NRXN3: variants seen among roughly 807,000 people sequenced by gnomAD.
NRXN3 encodes neurexin III.
NRXN3 carries 32 observed loss-of-function variants against 137.6 expected under a neutral mutation model. The ratio of observed to expected loss-of-function variants is 0.23; its 90% CI spans 0.18 to 0.31. The LOEUF is 0.31. NRXN3 is among the 10% of genes least tolerant of loss of function. NRXN3 has a pLI of 1.00. For synonymous variants in NRXN3, 798 were observed against 784.5 expected (o/e 1.02, Z -0.29); for missense variants, 1,574 against 2,062.5 (o/e 0.76, Z 4.59).
chr14:78,633,490 A>G (rs1601658143), intron 4 of NRXN3, among the ~76,000 whole-genome samples: 1 of 152,020 alleles, frequency 6.6e-6, no homozygotes, highest in East Asian at 1.9e-4. Flanking sequence ...TCTTTCACCT[A>G]TCCATTCAGA....
At chr14:79,622,555 G>A (rs2098235649) in intron 16 of NRXN3, among the ~76,000 whole-genome samples, 1 of 152,076 alleles carries the variant, frequency 6.6e-6, no homozygotes. Flanking sequence ...TGAGGGCCCA[G>A]ATACTACTTG....
At chr14:79,490,060 A>AAAG (rs35537325) in intron 16 of NRXN3, among the ~76,000 whole-genome samples, 1 of 150,958 alleles carries the variant, frequency 6.6e-6, no homozygotes, top group Non-Finnish European at 1.5e-5. Flanking sequence ...AAAAAAAAAA[A>AAAG]TCTGGTAATT....
At chr14:79,702,889 G>GTCTTTTACCACTAAAGTGTAT (rs138402143) in intron 19 of NRXN3, among the ~76,000 whole-genome samples, 76,018 of 150,560 alleles carry the variant, frequency 0.5, 19,744 homozygotes, top group East Asian at 0.79. Flanking sequence ...TGAGAAACAA[G>GTCTTTTACCACTAAAGTGTAT]TCTTTTACCT....
chr14:79,821,771 T>C (rs2099273471), intron 20 of NRXN3, among the ~76,000 whole-genome samples: 1 of 151,820 alleles, frequency 6.6e-6, no homozygotes, highest in African/African-American at 2.4e-5. Context: ...TTGTAATGCT[T>C]TTGGTTTAGG....
chr14:79,509,210 A>G (rs773366255), intron 16 of NRXN3, among the ~76,000 whole-genome samples: 7 of 152,210 alleles, frequency 4.6e-5, no homozygotes, highest in Non-Finnish European at 8.8e-5. Context: ...AATAATAATA[A>G]TAATAATGCT....
chr14:79,793,706 CTATT>C (rs1184068043), intron 19 of NRXN3, among the ~76,000 whole-genome samples: 1 of 152,096 alleles, frequency 6.6e-6, no homozygotes, highest in African/African-American at 2.4e-5. Flanking sequence ...CTTCAATAGT[CTATT>C]TGTTATGTTT....
chr14:78,183,173 C>T (rs899306376), intron 1 of NRXN3, among the ~76,000 whole-genome samples: 1 of 152,174 alleles, frequency 6.6e-6, no homozygotes, highest in Non-Finnish European at 1.5e-5. Context: ...TTTCTTCCTT[C>T]TGGCAAGAAC....
intron 15 of NRXN3, among the ~76,000 whole-genome samples, chr14:79,105,545 T>G (rs2052259380): frequency 6.6e-6 from 1 of 152,132 alleles, no homozygotes; most frequent in Admixed American, 6.6e-5. Flanking sequence ...GGTAAAGTTG[T>G]CTAAATATGG....
intron 4 of NRXN3, among the ~76,000 whole-genome samples, chr14:78,601,257 T>TA (rs200942003): frequency 2.6e-5 from 4 of 151,664 alleles, no homozygotes; most frequent in African/African-American, 9.7e-5. Flanking sequence ...ACTTTTGGCT[T>TA]AAAAAAAAAT....
chr14:79,619,417 T>C (rs1467813754), intron 16 of NRXN3, among the ~76,000 whole-genome samples: 4 of 152,128 alleles, frequency 2.6e-5, no homozygotes, highest in African/African-American at 9.7e-5. Flanking sequence ...TTCAATCTTC[T>C]GCATATGGCT....
chr14:79,622,739 G>A (rs1362115487), intron 16 of NRXN3, among the ~76,000 whole-genome samples: 3 of 152,046 alleles, frequency 2.0e-5, no homozygotes, highest in African/African-American at 7.3e-5. Context: ...TGGGACTACA[G>A]GCATGTGACA....
At chr14:79,407,732 C>T (rs1167218931) in intron 15 of NRXN3, among the ~76,000 whole-genome samples, 1 of 152,074 alleles carries the variant, frequency 6.6e-6, no homozygotes, top group African/African-American at 2.4e-5. Context: ...CAAACTCATT[C>T]TTGGTGAGTA....
intron 15 of NRXN3, among the ~76,000 whole-genome samples, chr14:79,209,112 G>A (rs1018893676): frequency 1.3e-5 from 2 of 152,000 alleles, no homozygotes; most frequent in East Asian, 1.9e-4. Context: ...CTAATTTTTT[G>A]TGTTTTTAGT....
intron 16 of NRXN3, among the ~76,000 whole-genome samples, chr14:79,561,681 C>A (rs1056258771): frequency 2.6e-5 from 4 of 151,974 alleles, no homozygotes; most frequent in African/African-American, 9.7e-5. Context: ...GATCTCGTTG[C>A]GTTTCCTCAT....
chr14:79,436,395 C>A (rs2095846813), intron 15 of NRXN3, among the ~76,000 whole-genome samples: 1 of 152,178 alleles, frequency 6.6e-6, no homozygotes, highest in African/African-American at 2.4e-5. Context: ...CAATGACATA[C>A]TGAAAGTTGT....
chr14:79,819,252 G>A (rs1164463187), intron 20 of NRXN3, among the ~76,000 whole-genome samples: 1 of 152,122 alleles, frequency 6.6e-6, no homozygotes, highest in African/African-American at 2.4e-5. Context: ...AAATGAGCAG[G>A]GCTGTGTTTT....
At chr14:79,299,074 G>A (rs1201747315) in intron 15 of NRXN3, among the ~76,000 whole-genome samples, 2 of 152,148 alleles carry the variant, frequency 1.3e-5, no homozygotes, top group African/African-American at 4.8e-5. Flanking sequence ...GATTTAGAGG[G>A]CACTGGAAAC....
intron 20 of NRXN3, among the ~76,000 whole-genome samples, chr14:79,824,721 G>A (rs2099287501): frequency 6.6e-6 from 1 of 152,182 alleles, no homozygotes; most frequent in African/African-American, 2.4e-5. Flanking sequence ...GGAAGAGCTT[G>A]TGAAGACTTT....
intron 17 of NRXN3, among the ~76,000 whole-genome samples, chr14:79,691,237 T>C (rs2098715436): frequency 6.6e-6 from 1 of 152,022 alleles, no homozygotes. Flanking sequence ...AAAACCACTA[T>C]GTTTGAGCCT....
Sources: gnomAD v4.1 joint callset for allele counts (sites outside exome capture counted in the v4.1 genomes callset) on GRCh38, gnomAD v4.1.1 for gene constraint, MANE v1.5 for transcripts, NCBI Gene and HGNC (gene_info 2026-07-23, HGNC 2026-07-21) for gene names.